The following SLCO6A1 variants were observed in gnomAD, a reference collection of about 807,000 sequenced individuals.
SLCO6A1 encodes the protein solute carrier organic anion transporter family member 6A1.
SLCO6A1 carries 65 observed loss-of-function variants against 72.7 expected under a neutral mutation model. That is an observed-to-expected ratio of 0.89 (90% CI 0.73 to 1.10). The LOEUF (loss-of-function observed/expected upper bound fraction) is 1.10. Ranked by LOEUF, SLCO6A1 falls within the 50% of genes least tolerant of loss-of-function variation. The pLI is 0.00. For missense variants in SLCO6A1, 874 were observed against 872.6 expected (o/e 1.00, Z -0.02); for synonymous variants, 314 against 298.2 (o/e 1.05, Z -0.55).
chr5:102,396,136 T>C (rs1747068182), intron 10 of SLCO6A1, among the ~76,000 whole-genome samples: 1 of 152,288 alleles, frequency 6.6e-6, no homozygotes, highest in African/African-American at 2.4e-5. Flanking sequence ...TGCTGAATGG[T>C]ATTGCCTAGG....
At chr5:102,455,874 G>A (rs1165360473) in intron 6 of SLCO6A1, among the ~76,000 whole-genome samples, 1 of 152,138 alleles carries the variant, frequency 6.6e-6, no homozygotes, top group Non-Finnish European at 1.5e-5. Context: ...CTGGTGAACC[G>A]AATCCATTAG....
chr5:102,486,844 G>A (rs79207706), intron 1 of SLCO6A1, among the ~76,000 whole-genome samples: 2,623 of 152,106 alleles, frequency 0.017, 35 homozygotes, highest in African/African-American at 0.033. Flanking sequence ...AAAAATGAAA[G>A]TTTAAACATA....
chr5:102,445,351 G>A (rs1750051906), intron 6 of SLCO6A1, among the ~76,000 whole-genome samples: 1 of 151,916 alleles, frequency 6.6e-6, no homozygotes, highest in South Asian at 2.1e-4. Flanking sequence ...ATGTTTTTTG[G>A]CCACATGTAT....
At chr5:102,468,464 T>C (rs1398615451) in intron 4 of SLCO6A1, among the ~76,000 whole-genome samples, 2 of 152,084 alleles carry the variant, frequency 1.3e-5, no homozygotes, top group African/African-American at 4.8e-5. Flanking sequence ...TTGTCATCTA[T>C]CTCATTTCTT....
chr5:102,387,533 G>A (rs1315753374), intron 12 of SLCO6A1, among the ~76,000 whole-genome samples: 2 of 152,054 alleles, frequency 1.3e-5, no homozygotes, highest in African/African-American at 4.8e-5. Context: ...AGTTAATTTT[G>A]ACTTCTCAAG....
intron 7 of SLCO6A1, among the ~76,000 whole-genome samples, chr5:102,428,785 A>C (rs1749055141): frequency 6.6e-6 from 1 of 152,148 alleles, no homozygotes; most frequent in East Asian, 1.9e-4. Context: ...TTTGTATAGA[A>C]AAATTTATAT....
intron 6 of SLCO6A1, among the ~76,000 whole-genome samples, chr5:102,440,392 T>A (rs1749770666): frequency 6.6e-6 from 1 of 152,122 alleles, no homozygotes; most frequent in Admixed American, 6.5e-5. Flanking sequence ...GTGAGGGATT[T>A]AGGTTGTGCG....
At chr5:102,412,716 T>A (rs932558231) in intron 9 of SLCO6A1, among the ~76,000 whole-genome samples, 16 of 150,700 alleles carry the variant, frequency 1.1e-4, no homozygotes, top group African/African-American at 3.9e-4. Flanking sequence ...AGCTGGGATC[T>A]CTCCACTGCA....
chr5:102,401,390 T>C (rs1170637972), intron 9 of SLCO6A1, among the ~76,000 whole-genome samples: 2 of 152,084 alleles, frequency 1.3e-5, no homozygotes, highest in Admixed American at 6.6e-5. Context: ...TTTTTATTTT[T>C]AGTGATGTGA....
intron 7 of SLCO6A1, among the ~76,000 whole-genome samples, chr5:102,422,269 T>C (rs1365282342): frequency 1.3e-5 from 2 of 152,214 alleles, no homozygotes; most frequent in East Asian, 1.9e-4. Context: ...GGACAAAAAA[T>C]GAGTTTCACA....
At chr5:102,479,109 G>A (rs1469721423) in intron 2 of SLCO6A1, among the ~76,000 whole-genome samples, 1 of 152,096 alleles carries the variant, frequency 6.6e-6, no homozygotes, top group African/African-American at 2.4e-5. Flanking sequence ...CAATGTTGCG[G>A]GAGGGACCTG....
At chr5:102,430,501 A>G (rs1749154768) in intron 7 of SLCO6A1, among the ~76,000 whole-genome samples, 1 of 152,168 alleles carries the variant, frequency 6.6e-6, no homozygotes, top group African/African-American at 2.4e-5. Context: ...GAGAGTTTTT[A>G]ACATGAAGGG....
intron 9 of SLCO6A1, among the ~76,000 whole-genome samples, chr5:102,409,064 C>T (rs1455266627): frequency 2.1e-4 from 32 of 151,832 alleles, no homozygotes; most frequent in Admixed American, 2.1e-3. Context: ...CAAAAAAAGC[C>T]CAAGATTTAT....
At chr5:102,448,068 G>T (rs1353850169) in intron 6 of SLCO6A1, among the ~76,000 whole-genome samples, 4 of 152,082 alleles carry the variant, frequency 2.6e-5, no homozygotes, top group Non-Finnish European at 5.9e-5. Context: ...CTGGTATGTT[G>T]TATCTTTGTT....
intron 4 of SLCO6A1, among the ~76,000 whole-genome samples, chr5:102,466,339 C>A (rs907536552): frequency 2.6e-5 from 4 of 152,060 alleles, no homozygotes; most frequent in Non-Finnish European, 5.9e-5. Context: ...ATTCATATCC[C>A]TCCAAAGGAC....
chr5:102,385,444 T>C lies in SLCO6A1; in HGVS notation c.2017+3244A>G, dbSNP rs555797299. Among the ~76,000 whole-genome samples the C allele has an allele frequency of 1.3e-4, 20 of 152,212 alleles. No individual in the cohort carries two copies. In the South Asian group the frequency reaches 4.1e-3, roughly 32 times the overall value. On this transcript the variant is annotated intron_variant, in intron 12 of 13. Coordinates refer to ENST00000506729, the MANE Select transcript of SLCO6A1 (RefSeq NM_173488.5). ...TCTGGGACTCTCATAATGCATAGATTGGTTTGCTTCATGGTGTTCTGTAAT... is the reference window on the plus strand; with the variant it reads ...TCTGGGACTCTCATAATGCATAGATCGGTTTGCTTCATGGTGTTCTGTAAT...
At chr5:102,435,558 C>G (rs994090227) in intron 7 of SLCO6A1, among the ~76,000 whole-genome samples, 2 of 152,084 alleles carry the variant, frequency 1.3e-5, no homozygotes, top group Non-Finnish European at 2.9e-5. Context: ...TATTTCCATT[C>G]AACACACATC....
intron 7 of SLCO6A1, among the ~76,000 whole-genome samples, chr5:102,436,001 T>C (rs891073842): frequency 2.0e-5 from 3 of 152,144 alleles, no homozygotes; most frequent in Non-Finnish European, 4.4e-5. Context: ...CCAAATCTAC[T>C]ACACAGACTG....
At chr5:102,421,587 C>A (rs1261960743) in intron 7 of SLCO6A1, among the ~76,000 whole-genome samples, 1 of 152,128 alleles carries the variant, frequency 6.6e-6, no homozygotes, top group Non-Finnish European at 1.5e-5. Context: ...CCTCACTGGG[C>A]AGGGCATCCT....
Sources: allele counts gnomAD v4.1 joint callset (sites outside exome capture counted in the v4.1 genomes callset), GRCh38; gene constraint gnomAD v4.1.1; transcripts MANE v1.5; gene names NCBI Gene and HGNC (gene_info 2026-07-23, HGNC 2026-07-21).